LRMDA: variants seen among roughly 807,000 people sequenced by gnomAD.
LRMDA encodes the protein leucine-rich melanocyte differentiation-associated protein.
LRMDA carries 18 observed loss-of-function variants against 29.8 expected under a neutral mutation model. The observed-to-expected ratio is 0.60, with a 90% confidence interval of 0.42 to 0.90. The LOEUF is 0.90. Among genes scored for constraint, LRMDA ranks in the 40% least tolerant of loss-of-function variants. The pLI is 0.00. For synonymous variants in LRMDA, 125 were observed against 109.4 expected (o/e 1.14, Z -0.89); for missense variants, 273 against 273.9 (o/e 1.00, Z 0.02).
At chr10:75,525,871 G>A (rs1329046259) in intron 2 of LRMDA, among the ~76,000 whole-genome samples, 1 of 150,622 alleles carries the variant, frequency 6.6e-6, no homozygotes, top group Non-Finnish European at 1.5e-5. Flanking sequence ...GATCTCCATG[G>A]CACATACTGT....
intron 4 of LRMDA, among the ~76,000 whole-genome samples, chr10:76,055,063 CAAAAAAAAAAAAAAAAAA>C (rs531729040): frequency 1.5e-3 from 70 of 45,910 alleles, no homozygotes; most frequent in East Asian, 0.013. Flanking sequence ...GACTCCATCT[CAAAAAAAAAAAAAAAAAA>C]AAAAAAAAAA....
At chr10:75,967,883 G>C (rs1846894399) in intron 2 of LRMDA, among the ~76,000 whole-genome samples, 1 of 152,100 alleles carries the variant, frequency 6.6e-6, no homozygotes, top group African/African-American at 2.4e-5. Flanking sequence ...CCCGTGAAGA[G>C]CCTGTTCTTG....
chr10:75,877,402 A>G (rs1321202422), intron 2 of LRMDA, among the ~76,000 whole-genome samples: 1 of 152,216 alleles, frequency 6.6e-6, no homozygotes, highest in Non-Finnish European at 1.5e-5. Context: ...TAGTCTCTCA[A>G]TTCCCACCAA....
chr10:76,129,075 G>A (rs1382642886), intron 5 of LRMDA, among the ~76,000 whole-genome samples: 3 of 152,106 alleles, frequency 2.0e-5, no homozygotes, highest in Non-Finnish European at 2.9e-5. Context: ...TTCTCTCTTT[G>A]ACACCTCCAG....
intron 2 of LRMDA, among the ~76,000 whole-genome samples, chr10:75,564,838 G>A (rs992709654): frequency 6.6e-6 from 1 of 152,204 alleles, no homozygotes; most frequent in South Asian, 2.1e-4. Context: ...TTTTTCACAA[G>A]CTTCAAAGGT....
intron 5 of LRMDA, among the ~76,000 whole-genome samples, chr10:76,183,612 A>G (rs1467037879): frequency 6.6e-6 from 1 of 152,234 alleles, no homozygotes; most frequent in Non-Finnish European, 1.5e-5. Flanking sequence ...TGAATACCCA[A>G]GGAGGGAATA....
intron 6 of LRMDA, among the ~76,000 whole-genome samples, chr10:76,508,122 A>C (rs556961037): frequency 6.6e-6 from 1 of 152,170 alleles, no homozygotes; most frequent in Non-Finnish European, 1.5e-5. Flanking sequence ...AGTGCATTGT[A>C]TCAGGAGGTA....
In LRMDA at chr10:76,532,101, C is replaced by T. The variant is rs189399785; in HGVS notation, c.602-25108C>T. ...TGGAGGTTTGTTACATAGGTATACG[C>T]GTGCCATGGTGTTTTGCTGCACCCA... is the stretch of plus-strand genomic sequence containing the variant. On this transcript the variant is annotated intron_variant, in intron 6 of 6. Transcript: ENST00000611255. Among the ~76,000 whole-genome samples the T allele has an allele frequency of 3.3e-5, 5 of 152,090 alleles. No individual in the cohort carries two copies. The East Asian group carries it at 7.7e-4, about 24-fold the overall frequency.
intron 5 of LRMDA, among the ~76,000 whole-genome samples, chr10:76,285,466 T>A (rs1366395607): frequency 6.6e-6 from 1 of 152,124 alleles, no homozygotes; most frequent in African/African-American, 2.4e-5. Context: ...CCCTTTATCC[T>A]GATAGCAGGA....
intron 2 of LRMDA, among the ~76,000 whole-genome samples, chr10:75,660,735 AG>A (rs1841741878): frequency 6.6e-6 from 1 of 151,644 alleles, no homozygotes; most frequent in South Asian, 2.1e-4. Context: ...GGAGATAATG[AG>A]TTTTTTGAGA....
chr10:75,831,799 C>A (rs988768109), intron 2 of LRMDA, among the ~76,000 whole-genome samples: 14 of 152,240 alleles, frequency 9.2e-5, no homozygotes, highest in African/African-American at 1.9e-4. Flanking sequence ...TTGTGTGCCC[C>A]TGCAGGCTCA....
intron 6 of LRMDA, among the ~76,000 whole-genome samples, chr10:76,378,152 A>C (rs1841544319): frequency 6.6e-6 from 1 of 152,076 alleles, no homozygotes; most frequent in African/African-American, 2.4e-5. Flanking sequence ...TAGCTATTGT[A>C]AATGGGATTG....
chr10:76,221,206 T>A lies in LRMDA; in HGVS notation c.517-103195T>A, dbSNP rs1308957113. ...AACTGGAAGCATTCCCTTTGAAAAC[T>A]GGCACAAGACAGGGATGCCCTCTCT... On this transcript the variant is annotated intron_variant, in intron 5 of 6. Coordinates refer to ENST00000611255, the MANE Select transcript of LRMDA (RefSeq NM_001305581.2). Among the ~76,000 whole-genome samples the A allele has an allele frequency of 1.1e-3, 172 of 152,126 alleles. 1 individual carries two copies. Among genetic ancestry groups the A allele is most frequent in the African/African-American group, 3.2e-3 (134 of 41,494 alleles).
intron 5 of LRMDA, among the ~76,000 whole-genome samples, chr10:76,233,799 A>G (rs1452209583): frequency 6.6e-6 from 1 of 152,192 alleles, no homozygotes; most frequent in African/African-American, 2.4e-5. Context: ...AGTTGCAGCA[A>G]TTCAGTCCTA....
At chr10:76,145,300 G>T (rs565504815) in intron 5 of LRMDA, among the ~76,000 whole-genome samples, 1 of 152,140 alleles carries the variant, frequency 6.6e-6, no homozygotes, top group African/African-American at 2.4e-5. Context: ...GTAGAATTTG[G>T]CTGTGAATCC....
intron 6 of LRMDA, among the ~76,000 whole-genome samples, chr10:76,437,083 T>A (rs1842252391): frequency 2.6e-5 from 4 of 152,198 alleles, no homozygotes; most frequent in Admixed American, 2.0e-4. Context: ...AGCAATGGGC[T>A]CATTGCTTTG....
At chr10:76,444,380 G>C (rs1842332850) in intron 6 of LRMDA, among the ~76,000 whole-genome samples, 1 of 152,214 alleles carries the variant, frequency 6.6e-6, no homozygotes, top group Non-Finnish European at 1.5e-5. Context: ...TATGGTAGAA[G>C]TGAGTAATGA....
intron 6 of LRMDA, among the ~76,000 whole-genome samples, chr10:76,335,648 G>A (rs1264847408): frequency 2.6e-5 from 4 of 152,090 alleles, no homozygotes; most frequent in African/African-American, 9.7e-5. Context: ...GGTCCAGAAA[G>A]GCAGATAACT....
intron 6 of LRMDA, among the ~76,000 whole-genome samples, chr10:76,331,524 T>C (rs1840904933): frequency 6.6e-6 from 1 of 152,190 alleles, no homozygotes; most frequent in Non-Finnish European, 1.5e-5. Flanking sequence ...GTGGATAATG[T>C]ATTGAAAAGT....
Sources: allele counts gnomAD v4.1 joint callset (sites outside exome capture counted in the v4.1 genomes callset), GRCh38; gene constraint gnomAD v4.1.1; transcripts MANE v1.5; gene names NCBI Gene and HGNC (gene_info 2026-07-23, HGNC 2026-07-21).